ACLY: variants seen among roughly 807,000 people sequenced by gnomAD.
ACLY encodes the protein ATP-citrate synthase.
Under a neutral mutation model 133.0 loss-of-function variants are expected in ACLY, and 41 were observed. The ratio of observed to expected loss-of-function variants is 0.31; its 90% CI spans 0.24 to 0.40. ACLY has a LOEUF of 0.40. Ranked by LOEUF, ACLY falls within the 10% of genes least tolerant of loss-of-function variation. ACLY has a pLI of 1.00. For missense variants in ACLY, 1,046 were observed against 1,453.8 expected (o/e 0.72, Z 4.56); for synonymous variants, 495 against 549.3 (o/e 0.90, Z 1.38).
chr17:41,888,445 C>G (rs918423985), intron 16 of ACLY, among the ~76,000 whole-genome samples: 1 of 152,240 alleles, frequency 6.6e-6, no homozygotes, highest in African/African-American at 2.4e-5. Context: ...TTGTCACCAT[C>G]CCCACAGGAC....
At chr17:41,915,816 AG>A (rs2050036837) in intron 1 of ACLY, among the ~76,000 whole-genome samples, 2 of 152,098 alleles carry the variant, frequency 1.3e-5, no homozygotes, top group Non-Finnish European at 2.9e-5. Flanking sequence ...CCCCTTCCAA[AG>A]AGAGTGCAGC....
intron 14 of ACLY, 134 bp from the exon 15 acceptor site, chr17:41,893,308 G>T: frequency 1.9e-6 from 2 of 1,051,882 alleles, no homozygotes; most frequent in Non-Finnish European, 2.6e-6. Context: ...GTAAAGGAAT[G>T]TCAAGAGGAC....
chr17:41,897,521 A>G (rs926259138), intron 13 of ACLY, among the ~76,000 whole-genome samples: 1 of 152,074 alleles, frequency 6.6e-6, no homozygotes, highest in African/African-American at 2.4e-5. Context: ...AGAAGAGAAT[A>G]GGGGGAGTTG....
chr17:41,911,701 G>T (rs568948783), intron 3 of ACLY, among the ~76,000 whole-genome samples: 3 of 152,026 alleles, frequency 2.0e-5, no homozygotes, highest in Non-Finnish European at 2.9e-5. Context: ...CTATAGTCCC[G>T]GATACTCAGG....
upstream of ACLY, among the ~76,000 whole-genome samples, chr17:41,919,700 C>T (rs1436843982): frequency 6.6e-6 from 1 of 151,964 alleles, no homozygotes; most frequent in Non-Finnish European, 1.5e-5. Flanking sequence ...CAGCGAAGGG[C>T]TGGAGCCATC....
chr17:41,879,681 A>AAAAAAAAAAAC (rs1567889316), intron 20 of ACLY, among the ~76,000 whole-genome samples: 1 of 127,526 alleles, frequency 7.8e-6, no homozygotes, highest in East Asian at 2.1e-4. Flanking sequence ...AAAAAAAAAA[A>AAAAAAAAAAAC]AAAAAAGAAG....
At position 41,906,509 on chromosome 17, in the gene ACLY, A is replaced by G. The variant is rs2049723152; in HGVS notation, c.866+19T>C. 1 of 1,609,202 alleles carries G rather than the reference A, an allele frequency of 6.2e-7. No individual in the cohort carries two copies. Among genetic ancestry groups the G allele is most frequent in the African/African-American group, 1.3e-5 (1 of 74,908 alleles). ...GGGTAGACTGGGCTGGCATCCCTTC[A>G]GCAACCCCCTTCGGTCACCTGTACA... On this transcript the variant is annotated intron_variant, in intron 8 of 28. Coordinates refer to ENST00000352035, the MANE Select transcript of ACLY (RefSeq NM_001096.3).
intron 22 of ACLY, among the ~76,000 whole-genome samples, chr17:41,877,624 T>C (rs1555626411): frequency 1.3e-5 from 2 of 152,050 alleles, no homozygotes; most frequent in East Asian, 1.9e-4. Context: ...TAATCCTGGG[T>C]GTGTCTGTGT....
intron 22 of ACLY, among the ~76,000 whole-genome samples, chr17:41,877,040 G>A (rs1184544060): frequency 6.6e-6 from 1 of 151,780 alleles, no homozygotes; most frequent in Non-Finnish European, 1.5e-5. Flanking sequence ...AGCCAATTTA[G>A]TCCAATCCTA....
intron 20 of ACLY, among the ~76,000 whole-genome samples, chr17:41,879,510 T>G (rs1555626820): frequency 6.8e-6 from 1 of 147,044 alleles, no homozygotes; most frequent in African/African-American, 2.5e-5. Context: ...CTTGGCCTCC[T>G]TGGGCTCAGG....
In ACLY at chr17:41,904,716, T is replaced by C. The variant is rs2049660151; in HGVS notation, c.1065+13A>G. On this transcript the variant is annotated intron_variant, in intron 10 of 28. Transcript: ENST00000352035. Reference sequence around the variant, plus strand: ...ACTTTCCCCAGAAACTGCACCACTGTTGCAACTGTTACCTTGAACGTGGCA... The same window carrying C: ...ACTTTCCCCAGAAACTGCACCACTGCTGCAACTGTTACCTTGAACGTGGCA... 1 of 1,612,576 alleles carries C rather than the reference T, an allele frequency of 6.2e-7. No individual in the cohort carries two copies. Among genetic ancestry groups the C allele is most frequent in the Non-Finnish European group, 8.5e-7 (1 of 1,178,722 alleles).
At chr17:41,918,967 G>A (rs782233986), upstream of ACLY, 7 of 1,288,798 alleles carry the variant, frequency 5.4e-6, no homozygotes, top group South Asian at 7.4e-5. Context: ...GTAGCTTCCC[G>A]GGATCCGGCT....
intron 7 of ACLY, 69 bp from the exon 8 acceptor site, chr17:41,906,715 C>T (rs1555632758): frequency 1.5e-6 from 2 of 1,370,976 alleles, no homozygotes; most frequent in Non-Finnish European, 2.1e-6. Context: ...TCCTAGGACC[C>T]CTCCCCGCTT....
chr17:41,904,044 G>A (rs1216965040), intron 10 of ACLY, among the ~76,000 whole-genome samples: 1 of 151,702 alleles, frequency 6.6e-6, no homozygotes, highest in Non-Finnish European at 1.5e-5. Context: ...TTGAACCCAG[G>A]AGGCAGAGGC....
intron 11 of ACLY, among the ~76,000 whole-genome samples, chr17:41,900,096 A>AAAAAAAAAAAAAAAAAAAAAAAG (rs1555631262): frequency 7.0e-6 from 1 of 142,948 alleles, no homozygotes; most frequent in Non-Finnish European, 1.5e-5. Flanking sequence ...AAAAAAAAAA[A>AAAAAAAAAAAAAAAAAAAAAAAG]TTGCCTATAA....
intron 19 of ACLY, 112 bp from the exon 20 acceptor site, chr17:41,883,344 T>C: frequency 1.2e-6 from 1 of 819,144 alleles, no homozygotes; most frequent in Non-Finnish European, 2.0e-6. Context: ...AGGAGTTTAA[T>C]TTCAGCCTGG....
At chr17:41,924,065 T>C (rs781966661) in intron 1 of ACLY, among the ~76,000 whole-genome samples, 1 of 152,182 alleles carries the variant, frequency 6.6e-6, no homozygotes, top group Non-Finnish European at 1.5e-5. Flanking sequence ...TGCCTCGGCA[T>C]CCCAATGTGC....
chr17:41,869,214 G>T, intron 26 of ACLY, 89 bp from the exon 27 acceptor site: 1 of 1,199,960 alleles, frequency 8.3e-7, no homozygotes. Context: ...ACTACGAATT[G>T]TGACCATCAT....
At chr17:41,883,887 C>CA (rs1361518964) in intron 19 of ACLY, among the ~76,000 whole-genome samples, 1 of 151,902 alleles carries the variant, frequency 6.6e-6, no homozygotes, top group South Asian at 2.1e-4. Flanking sequence ...CATACCTGGC[C>CA]AAAAAAATGC....
Sources: allele counts gnomAD v4.1 joint callset (sites outside exome capture counted in the v4.1 genomes callset), GRCh38; gene constraint gnomAD v4.1.1; transcripts MANE v1.5; gene names NCBI Gene and HGNC (gene_info 2026-07-23, HGNC 2026-07-21).